The following FLI1 variants were observed in gnomAD, a reference collection of about 807,000 sequenced individuals.
FLI1 encodes the protein Fli-1 proto-oncogene, ETS transcription factor.
In FLI1, 13 loss-of-function variants were observed where a neutral mutation model predicts 53.1. The ratio of observed to expected loss-of-function variants is 0.24; its 90% CI spans 0.16 to 0.39. The LOEUF is 0.39. Among genes scored for constraint, FLI1 ranks in the 10% least tolerant of loss-of-function variants. FLI1 has a pLI of 1.00. For synonymous variants in FLI1, 244 were observed against 236.7 expected (o/e 1.03, Z -0.28); for missense variants, 424 against 600.5 (o/e 0.71, Z 3.07).
chr11:128,705,282 G>T (rs1938500721), intron 1 of FLI1, among the ~76,000 whole-genome samples: 2 of 152,318 alleles, frequency 1.3e-5, no homozygotes, highest in African/African-American at 4.8e-5. Context: ...TATTTCCCAG[G>T]TAAGAAAGCC....
chr11:128,740,799 A>G (rs991557150), intron 1 of FLI1, among the ~76,000 whole-genome samples: 2 of 152,164 alleles, frequency 1.3e-5, no homozygotes, highest in Non-Finnish European at 2.9e-5. Flanking sequence ...CTCAGAGGCC[A>G]CTTCTTAGAG....
At chr11:128,689,717 T>C (rs1440620889), upstream of FLI1, among the ~76,000 whole-genome samples, 1 of 152,192 alleles carries the variant, frequency 6.6e-6, no homozygotes, top group African/African-American at 2.4e-5. Context: ...GATCCGCCAC[T>C]GGGCGAGGGT....
At chr11:128,707,563 T>C (rs573077279) in intron 1 of FLI1, among the ~76,000 whole-genome samples, 38 of 152,304 alleles carry the variant, frequency 2.5e-4, no homozygotes, top group Middle Eastern at 3.4e-3. Context: ...TGCTCTGGGC[T>C]TCTAAGCCAT....
intron 1 of FLI1, among the ~76,000 whole-genome samples, chr11:128,727,264 G>A (rs1216871125): frequency 6.6e-6 from 1 of 152,230 alleles, no homozygotes; most frequent in East Asian, 1.9e-4. Context: ...GCTATGGTGA[G>A]AATGAAACGA....
chr11:128,812,829 A>T lies in FLI1; in HGVS notation c.*1841A>T, dbSNP rs1448651125. On this transcript the variant is annotated 3_prime_UTR_variant, in exon 9 of 9. Transcript: ENST00000527786. ...CCTTCAGGTCTCAGACCAGGACTTT[A>T]TGGCTCATGCAGATTTTTAAGGTCA... 4.3e-5 allele frequency: 5 copies of T among 117,112 alleles called. No homozygotes were observed. Among genetic ancestry groups the T allele is most frequent in the African/African-American group, 8.9e-5 (3 of 33,816 alleles). 7.3% of individuals were successfully genotyped at this position (117,112 alleles called of 1,614,324 possible).
chr11:128,697,540 A>T (rs769966301), intron 1 of FLI1, among the ~76,000 whole-genome samples: 1 of 148,358 alleles, frequency 6.7e-6, no homozygotes, highest in African/African-American at 2.5e-5. Flanking sequence ...AATTAACTTC[A>T]TGTGCCTTAT....
rs751490785 is a variant in FLI1 at position 128,812,809 on chromosome 11, A to C, written c.*1821A>C. On this transcript the variant is annotated 3_prime_UTR_variant, in exon 9 of 9. Coordinates refer to ENST00000527786, the MANE Select transcript of FLI1 (RefSeq NM_002017.5). ...AAAGAATAAGCGCCCTGCTTCCTTCAGGTCTCAGACCAGGACTTTATGGCT... is the reference window on the plus strand; with the variant it reads ...AAAGAATAAGCGCCCTGCTTCCTTCCGGTCTCAGACCAGGACTTTATGGCT... The C allele has an allele frequency of 9.6e-6, 2 of 208,260 alleles. No individual in the cohort carries two copies. Among genetic ancestry groups the C allele is most frequent in the Non-Finnish European group, 2.0e-5 (2 of 101,918 alleles). 12.9% of individuals were successfully genotyped at this position (208,260 alleles called of 1,614,324 possible).
chr11:128,751,342 T>C (rs914071068), intron 1 of FLI1, among the ~76,000 whole-genome samples: 16 of 149,762 alleles, frequency 1.1e-4, no homozygotes, highest in Admixed American at 1.0e-3. Context: ...TTGGCCTTCA[T>C]TAAAATTTTT....
intron 5 of FLI1, among the ~76,000 whole-genome samples, chr11:128,784,063 G>A (rs506679): frequency 0.043 from 6,600 of 152,274 alleles, 199 homozygotes; most frequent in East Asian, 0.11. Flanking sequence ...ATTTTTGTAA[G>A]TTTCTCCAAC....
Position 128,765,918 on chromosome 11 carries a change from G to A in FLI1, c.231-2200G>A, listed in dbSNP as rs565665689. ...GTGTTGAAATGTGTGCTTCCATGTG[G>A]GTGAAGTATGTGTGTTCCATGTTGG... On this transcript the variant is annotated intron_variant, in intron 2 of 8. Coordinates refer to ENST00000527786, the MANE Select transcript of FLI1 (RefSeq NM_002017.5). Among the ~76,000 whole-genome samples, 9 of 152,342 alleles carry A rather than the reference G, an allele frequency of 5.9e-5. No individual in the cohort carries two copies. In the South Asian group the frequency reaches 1.9e-3, roughly 32 times the overall value.
intron 1 of FLI1, among the ~76,000 whole-genome samples, chr11:128,749,423 C>T (rs1360456543): frequency 1.3e-5 from 2 of 152,182 alleles, no homozygotes; most frequent in East Asian, 1.9e-4. Flanking sequence ...CTCCTGCGGG[C>T]CTCTCCATAC....
At chr11:128,714,013 C>T (rs1209485289) in intron 1 of FLI1, among the ~76,000 whole-genome samples, 2 of 152,080 alleles carry the variant, frequency 1.3e-5, no homozygotes, top group Non-Finnish European at 2.9e-5. Context: ...AGGACAATTA[C>T]CTTAGAAGGC....
intron 1 of FLI1, among the ~76,000 whole-genome samples, chr11:128,721,311 A>G (rs1939241135): frequency 6.6e-6 from 1 of 152,186 alleles, no homozygotes; most frequent in African/African-American, 2.4e-5. Context: ...AGCACGGTGT[A>G]GAATATAGGG....
chr11:128,784,678 G>A (rs1379536503), intron 5 of FLI1, among the ~76,000 whole-genome samples: 1 of 152,010 alleles, frequency 6.6e-6, no homozygotes, highest in Non-Finnish European at 1.5e-5. Flanking sequence ...GCAAGACAAA[G>A]CTAAGCAAGC....
intron 1 of FLI1, among the ~76,000 whole-genome samples, chr11:128,747,711 A>G (rs981734536): frequency 2.0e-5 from 3 of 152,214 alleles, no homozygotes; most frequent in Admixed American, 2.0e-4. Context: ...CGGACGGTCA[A>G]GTGTGAAGAA....
At chr11:128,730,753 G>T (rs1040471899) in intron 1 of FLI1, among the ~76,000 whole-genome samples, 3 of 152,224 alleles carry the variant, frequency 2.0e-5, no homozygotes, top group Non-Finnish European at 4.4e-5. Flanking sequence ...GAGAAGCAAA[G>T]ACTAATTAAT....
intron 1 of FLI1, among the ~76,000 whole-genome samples, chr11:128,700,940 A>G (rs1409876919): frequency 2.0e-5 from 3 of 152,238 alleles, no homozygotes; most frequent in Non-Finnish European, 4.4e-5. Context: ...GACTAGAGGG[A>G]TGATCTACAT....
intron 1 of FLI1, among the ~76,000 whole-genome samples, chr11:128,738,709 C>T (rs1419297406): frequency 1.3e-5 from 2 of 152,230 alleles, no homozygotes; most frequent in African/African-American, 4.8e-5. Context: ...CCAGACAATG[C>T]AATGACTAAG....
At chr11:128,808,390 A>G (rs1942843727) in intron 7 of FLI1, among the ~76,000 whole-genome samples, 1 of 152,218 alleles carries the variant, frequency 6.6e-6, no homozygotes, top group Non-Finnish European at 1.5e-5. Flanking sequence ...TCAACTAACA[A>G]AAAAGGAGAT....
Sources: allele counts gnomAD v4.1 joint callset (sites outside exome capture counted in the v4.1 genomes callset), GRCh38; gene constraint gnomAD v4.1.1; transcripts MANE v1.5; gene names NCBI Gene and HGNC (gene_info 2026-07-23, HGNC 2026-07-21).